The following SFSWAP variants were observed in gnomAD, a reference collection of about 807,000 sequenced individuals.
SFSWAP encodes splicing factor SWAP.
A neutral mutation model predicts 100.7 loss-of-function variants in SFSWAP; 17 were observed. The ratio of observed to expected loss-of-function variants is 0.17; its 90% confidence interval spans 0.12 to 0.25. The LOEUF is 0.25. Among genes scored for constraint, SFSWAP ranks in the 10% least tolerant of loss-of-function variants. The probability of loss-of-function intolerance (pLI) is 1.00; values close to 1 mark genes in which losing one functional copy is unlikely to be tolerated. For missense variants in SFSWAP, 1,005 were observed against 1,262.6 expected (o/e 0.80, Z 3.09); for synonymous variants, 504 against 510.1 (o/e 0.99, Z 0.16).
intron 6 of SFSWAP, among the ~76,000 whole-genome samples, chr12:131,727,813 T>C (rs1386239813): frequency 1.3e-5 from 2 of 152,228 alleles, no homozygotes; most frequent in African/African-American, 4.8e-5. Context: ...CATTATCTTG[T>C]GGTTAATTCA....
At chr12:131,782,394 G>A (rs1421214690) in intron 14 of SFSWAP, among the ~76,000 whole-genome samples, 2 of 152,146 alleles carry the variant, frequency 1.3e-5, no homozygotes, top group Admixed American at 6.5e-5. Flanking sequence ...TGAATTATTG[G>A]AGTATAAAAG....
Position 131,766,285 on chromosome 12 carries a change from G to C in SFSWAP, c.2119G>C (p.Glu707Gln). Residue 707 changes from glutamate to glutamine, a missense_variant, in exon 13 of 18, where the codon GAG becomes CAG. Physicochemically the swap from Glu to Gln is conservative, Grantham distance 29. This residue lies in a region of SFSWAP where 295 missense variants were observed against 347.9 expected (regional missense o/e 0.85). Coordinates refer to ENST00000261674, the MANE Select transcript of SFSWAP (RefSeq NM_004592.4). ...PLPEAEAGKI[E>Q]ESPFSVEESS... ...GCCGGAAGCAGAAGCTGGGAAAATT[G>C]AGGAGAGTCCTTTCAGTGTCGAGGT... is the stretch of plus-strand genomic sequence containing the variant. 1 of 1,614,146 alleles carries C rather than the reference G, an allele frequency of 6.2e-7. No individual in the cohort carries two copies. The highest frequency in any genetic ancestry group is 8.5e-7 in the Non-Finnish European group (1 of 1,180,018).
chr12:131,728,172 T>G, intron 6 of SFSWAP, 121 bp from the exon 7 acceptor site: 1 of 1,110,190 alleles, frequency 9.0e-7, no homozygotes. Flanking sequence ...CATGGGTGCG[T>G]GCATGTGTGT....
chr12:131,724,921 T>C (rs954146045), intron 4 of SFSWAP, among the ~76,000 whole-genome samples: 2 of 152,186 alleles, frequency 1.3e-5, no homozygotes, highest in Non-Finnish European at 2.9e-5. Context: ...GTGGCTTTTG[T>C]TGGATGTCCA....
intron 7 of SFSWAP, among the ~76,000 whole-genome samples, chr12:131,736,553 G>C (rs1182502450): frequency 6.6e-6 from 1 of 152,088 alleles, no homozygotes; most frequent in African/African-American, 2.4e-5. Flanking sequence ...CACCCTCACT[G>C]CCTGCTCACA....
rs1023175817 is a variant in SFSWAP, at chr12:131,778,659, A to G, written c.2408+329A>G. On this transcript the variant is annotated intron_variant, in intron 14 of 17. Transcript: ENST00000261674. The surrounding 1 kb of genome is among the most constrained non-coding windows in gnomAD (Gnocchi z 4.2). ...CAGCCTCCTGAGTAGCTGGGATTAC[A>G]GGTGCCCACCACCACGCCTGGCTAA... 6.6e-6 allele frequency among the ~76,000 whole-genome samples: 1 copy of G among 152,162 alleles called. No individual in the cohort carries two copies. Among genetic ancestry groups the G allele is most frequent in the African/African-American group, 2.4e-5 (1 of 41,442 alleles).
At chr12:131,783,175 C>T (rs1211594936) in intron 14 of SFSWAP, among the ~76,000 whole-genome samples, 12 of 136,984 alleles carry the variant, frequency 8.8e-5, no homozygotes, top group African/African-American at 2.6e-4. Flanking sequence ...AGCAAGACTC[C>T]GTCTAAAAAA....
chr12:131,751,093 A>T (rs1427513385), intron 7 of SFSWAP, among the ~76,000 whole-genome samples: 4 of 152,276 alleles, frequency 2.6e-5, no homozygotes, highest in East Asian at 3.9e-4. Context: ...ACAAGATGGA[A>T]GGCTCAGGAA....
At chr12:131,798,522 T>C (rs527324071) in intron 16 of SFSWAP, among the ~76,000 whole-genome samples, 1 of 152,318 alleles carries the variant, frequency 6.6e-6, no homozygotes, top group African/African-American at 2.4e-5. Context: ...GAAAATCTTT[T>C]TGAGTTAGAT....
intron 15 of SFSWAP, 101 bp downstream of exon 15, chr12:131,786,689 G>A (rs955254687): frequency 7.6e-7 from 1 of 1,321,632 alleles, no homozygotes; most frequent in Admixed American, 2.3e-5. Flanking sequence ...AGCTGTGGAT[G>A]ACCAGAGGGA....
intron 6 of SFSWAP, 89 bp from the exon 7 acceptor site, chr12:131,728,204 C>G: frequency 6.8e-7 from 1 of 1,472,624 alleles, no homozygotes. Context: ...GGCATGTACA[C>G]TGAGTCCTAA....
chr12:131,755,174 T>C (rs190901149), intron 9 of SFSWAP, among the ~76,000 whole-genome samples: 2 of 152,290 alleles, frequency 1.3e-5, no homozygotes, highest in East Asian at 1.9e-4. Flanking sequence ...CGTAAAGATA[T>C]GTTGTCACAT....
At position 131,786,459 on chromosome 12, in the gene SFSWAP, C is replaced by G. The variant is rs1324071127; in HGVS notation, c.2409-4C>G. 1.3e-6 allele frequency: 2 copies of G among 1,585,356 alleles called. No individual in the cohort carries two copies. Among genetic ancestry groups the G allele is most frequent in the East Asian group, 2.3e-5 (1 of 43,760 alleles). On this transcript the variant is annotated splice_region_variant and splice_polypyrimidine_tract_variant and intron_variant, in intron 14 of 17. Coordinates refer to ENST00000261674, the MANE Select transcript of SFSWAP (RefSeq NM_004592.4). ...AGCTGAACACTGCCTCCTCCCCTGT[C>G]CAGGTCCCGCTCCCGGTCCCCTCGG...
At chr12:131,791,428 C>G (rs1885219142) in intron 15 of SFSWAP, among the ~76,000 whole-genome samples, 1 of 151,830 alleles carries the variant, frequency 6.6e-6, no homozygotes, top group Non-Finnish European at 1.5e-5. Flanking sequence ...AACTCCAGTC[C>G]CAGATGGCTT....
chr12:131,756,482 G>A lies in SFSWAP; in HGVS notation c.1558G>A (p.Ala520Thr), dbSNP rs1362127140. The part of the protein sequence containing the change: ...EGGDSMQAVS[A>T]PEEAPTDSAP... ...GACATTTAATCTCTAGGCTGTGTCT[G>A]CACCAGAAGAGGCTCCCACAGACTC... Residue 520 changes from alanine to threonine, a missense_variant, in exon 11 of 18, where the codon GCA becomes ACA. Ala to Thr is a moderately conservative substitution (Grantham distance 58, BLOSUM62 0). Transcript: ENST00000261674. The A allele has an allele frequency of 1.2e-6, 2 of 1,613,804 alleles. No homozygotes were observed.
chr12:131,744,993 C>A (rs1416186133), intron 7 of SFSWAP, among the ~76,000 whole-genome samples: 1 of 152,192 alleles, frequency 6.6e-6, no homozygotes, highest in Non-Finnish European at 1.5e-5. Flanking sequence ...AATTCTGTCA[C>A]CTCCTACCAG....
intron 13 of SFSWAP, among the ~76,000 whole-genome samples, chr12:131,775,199 GA>G (rs1434669107): frequency 1.3e-5 from 2 of 152,176 alleles, no homozygotes; most frequent in Non-Finnish European, 2.9e-5. Context: ...TTCTTCACCA[GA>G]AAAAGACAGC....
At position 131,794,218 on chromosome 12, in the gene SFSWAP, A is replaced by G. The variant is rs1274122463; in HGVS notation, c.2535-2960A>G. Among the ~76,000 whole-genome samples the G allele has an allele frequency of 6.6e-6, 1 of 151,942 alleles. No individual in the cohort carries two copies. The highest frequency in any genetic ancestry group is 2.4e-5 in the African/African-American group (1 of 41,360). On this transcript the variant is annotated intron_variant, in intron 15 of 17. Coordinates refer to ENST00000261674, the MANE Select transcript of SFSWAP (RefSeq NM_004592.4). This position sits in a 1 kb window ranked among gnomAD's most constrained non-coding sequence, Gnocchi z 4.8. ...TCACCCTGCGTCGTGGAGGAGTCTC[A>G]GACATGCTTTGCTGAGCAAAAGCAG... is the stretch of plus-strand genomic sequence containing the variant.
At chr12:131,770,078 C>T (rs760708887) in intron 13 of SFSWAP, among the ~76,000 whole-genome samples, 1 of 152,196 alleles carries the variant, frequency 6.6e-6, no homozygotes, top group Non-Finnish European at 1.5e-5. Context: ...AACAAAAATA[C>T]TTGTAATTAA....
Sources: allele counts gnomAD v4.1 joint callset (sites outside exome capture counted in the v4.1 genomes callset), GRCh38; gene constraint gnomAD v4.1.1; regional missense constraint gnomAD v4.1.1; non-coding constraint Gnocchi (gnomAD v3.1); transcripts MANE v1.5; gene names NCBI Gene and HGNC (gene_info 2026-07-23, HGNC 2026-07-21).